Variants in TEX36 observed in about 807,000 individuals in gnomAD.
TEX36 encodes testis expressed 36, also known as testis-expressed protein 36.
A neutral mutation model predicts 13.6 loss-of-function variants in TEX36; 12 were observed. That is an observed-to-expected ratio of 0.88 (90% confidence interval 0.56 to 1.43). The LOEUF (loss-of-function observed/expected upper bound fraction) is 1.43. TEX36 is among the 40% of genes most tolerant of loss of function. The pLI is 0.00. For missense variants in TEX36, 224 were observed against 228.3 expected, an observed-to-expected ratio of 0.98 and a Z score of 0.12; for synonymous variants, 93 against 83.0, an observed-to-expected ratio of 1.12 and a Z score of -0.65.
intron 3 of TEX36, among the ~76,000 whole-genome samples, chr10:125,611,535 C>A (rs1354707607): frequency 2.0e-5 from 3 of 152,172 alleles, no homozygotes; most frequent in African/African-American, 7.2e-5. Context: ...CTGTCCAGTT[C>A]TAAGCCCGTT....
intron 1 of TEX36, among the ~76,000 whole-genome samples, chr10:125,670,458 G>A (rs1847206018): frequency 6.6e-6 from 1 of 152,030 alleles, no homozygotes; most frequent in African/African-American, 2.4e-5. Flanking sequence ...TTGTAAATTT[G>A]TTTAAGTTCC....
chr10:125,606,864 C>A (rs546689981), intron 3 of TEX36, among the ~76,000 whole-genome samples: 1 of 152,104 alleles, frequency 6.6e-6, no homozygotes, highest in Non-Finnish European at 1.5e-5. Context: ...ACATTTGAGC[C>A]GTCTCAGATG....
At chr10:125,617,051 G>T (rs552290195), downstream of TEX36, among the ~76,000 whole-genome samples, 3 of 152,216 alleles carry the variant, frequency 2.0e-5, no homozygotes, top group Admixed American at 2.0e-4. Flanking sequence ...GGCCTTCTTT[G>T]TCTCTTTTGA....
chr10:125,615,314 A>T (rs905337010), intron 3 of TEX36, among the ~76,000 whole-genome samples: 2 of 152,094 alleles, frequency 1.3e-5, no homozygotes, highest in African/African-American at 4.8e-5. Context: ...AACTTCCAAC[A>T]CTATGTTGAA....
At chr10:125,587,449 T>C (rs1345145912) in intron 3 of TEX36, among the ~76,000 whole-genome samples, 2 of 152,202 alleles carry the variant, frequency 1.3e-5, no homozygotes, top group East Asian at 3.9e-4. Flanking sequence ...CCACCAATAT[T>C]CTCACTCCTG....
chr10:125,615,597 G>A (rs375118088), intron 3 of TEX36, among the ~76,000 whole-genome samples: 128 of 151,164 alleles, frequency 8.5e-4, no homozygotes, highest in African/African-American at 2.4e-3. Flanking sequence ...ATTGATTTGC[G>A]TATATTGAAC....
chr10:125,672,763 T>C (rs527538242), intron 1 of TEX36, among the ~76,000 whole-genome samples: 88 of 152,314 alleles, frequency 5.8e-4, no homozygotes, highest in African/African-American at 2.0e-3. Flanking sequence ...GGAGTCTAAG[T>C]CTCTTTGTAG....
chr10:125,620,970 T>A (rs979686782), downstream of TEX36, among the ~76,000 whole-genome samples: 2 of 152,206 alleles, frequency 1.3e-5, no homozygotes, highest in Non-Finnish European at 2.9e-5. Context: ...CCTTCCTTTT[T>A]TAAAGCTAAA....
chr10:125,682,824 G>T, intron 1 of TEX36, 115 bp downstream of exon 1: 1 of 1,162,828 alleles, frequency 8.6e-7, no homozygotes, highest in Non-Finnish European at 1.3e-6. Flanking sequence ...GTAAAGTGAA[G>T]TGATTTGTCA....
chr10:125,616,907 T>C (rs1272329279), downstream of TEX36, among the ~76,000 whole-genome samples: 6 of 151,826 alleles, frequency 4.0e-5, no homozygotes, highest in African/African-American at 1.5e-4. Flanking sequence ...CCATTATTAA[T>C]GTGTGGGAGT....
downstream of TEX36, among the ~76,000 whole-genome samples, chr10:125,655,293 A>C (rs1846921102): frequency 6.6e-6 from 1 of 152,102 alleles, no homozygotes. Context: ...AAAAATACAA[A>C]AATTAGCCCA....
chr10:125,627,082 C>T (rs960555116), intron 3 of TEX36, among the ~76,000 whole-genome samples: 3 of 152,202 alleles, frequency 2.0e-5, no homozygotes, highest in African/African-American at 7.2e-5. Context: ...TGCCACTTTC[C>T]AGAGTCAACA....
At chr10:125,647,798 C>T (rs1264017679) in intron 3 of TEX36, among the ~76,000 whole-genome samples, 3 of 152,184 alleles carry the variant, frequency 2.0e-5, no homozygotes, top group Non-Finnish European at 4.4e-5. Context: ...TCGGGACACT[C>T]CCACCATAAT....
intron 3 of TEX36, among the ~76,000 whole-genome samples, chr10:125,638,413 C>T (rs1284385109): frequency 4.6e-5 from 7 of 152,080 alleles, no homozygotes; most frequent in African/African-American, 1.7e-4. Flanking sequence ...AGAGAGATGG[C>T]AGTGAGAGAA....
At chr10:125,602,395 A>T (rs889908069) in intron 3 of TEX36, among the ~76,000 whole-genome samples, 1 of 151,512 alleles carries the variant, frequency 6.6e-6, no homozygotes, top group Non-Finnish European at 1.5e-5. Flanking sequence ...TCCCTCTACC[A>T]CTCTGTATTC....
rs149052274 is a variant in TEX36, at chr10:125,661,741, G to A, written c.183+105C>T. On this transcript the variant is annotated intron_variant, in intron 2 of 3. Coordinates refer to ENST00000368821, the MANE Select transcript of TEX36 (RefSeq NM_001128202.3). Reference sequence around the variant, plus strand: ...CCTTAGGGGTCCAAGGATAGTAAATGCGCAGTTTCTTACAAAGAAGAATTG... The same window carrying A: ...CCTTAGGGGTCCAAGGATAGTAAATACGCAGTTTCTTACAAAGAAGAATTG... 3.2e-4 allele frequency: 464 copies of A among 1,429,270 alleles called. 1 individual carries two copies. The highest frequency in any genetic ancestry group is 3.0e-4 in the Non-Finnish European group (318 of 1,062,310). The allele number at this position is 1,429,270 out of a possible 1,614,324, so 88.5% of individuals were successfully genotyped here. A position where few individuals can be genotyped will look rare whatever the true frequency, so the allele number is the denominator to read the frequency against.
intron 3 of TEX36, among the ~76,000 whole-genome samples, chr10:125,641,713 A>G (rs1409881096): frequency 4.6e-5 from 7 of 152,232 alleles, no homozygotes; most frequent in Admixed American, 4.6e-4. Flanking sequence ...AATACATTAA[A>G]ACAAGAACCA....
intron 3 of TEX36, among the ~76,000 whole-genome samples, chr10:125,612,904 C>A (rs942279649): frequency 1.3e-5 from 2 of 151,526 alleles, no homozygotes; most frequent in African/African-American, 4.9e-5. Flanking sequence ...TAAAAGATAT[C>A]TGGATGGTCT....
At chr10:125,607,278 C>T (rs1179178337) in intron 3 of TEX36, among the ~76,000 whole-genome samples, 1 of 152,176 alleles carries the variant, frequency 6.6e-6, no homozygotes, top group Non-Finnish European at 1.5e-5. Context: ...TTGTAATTTC[C>T]AGTGCTGTCA....
Sources: gnomAD v4.1 joint callset for allele counts (sites outside exome capture counted in the v4.1 genomes callset) on GRCh38, gnomAD v4.1.1 for gene constraint, MANE v1.5 for transcripts, NCBI Gene and HGNC (gene_info 2026-07-23, HGNC 2026-07-21) for gene names.